Variants in METTL3 observed in about 807,000 individuals in gnomAD.
METTL3 encodes the protein N(6)-adenosine-methyltransferase catalytic subunit METTL3.
Under a neutral mutation model 64.3 loss-of-function variants are expected in METTL3, and 42 were observed. That is an observed-to-expected ratio of 0.65 (90% confidence interval 0.51 to 0.84). METTL3 has a LOEUF of 0.84. Among genes scored for constraint, METTL3 ranks in the 40% least tolerant of loss-of-function variants. The pLI is 0.00. For synonymous variants in METTL3, 256 were observed against 263.6 expected (o/e 0.97, Z 0.28); for missense variants, 435 against 722.3 (o/e 0.60, Z 4.56).
At position 21,500,962 on chromosome 14, in the gene METTL3, G is replaced by C. The variant is rs767931381; in HGVS notation, c.1067C>G (p.Thr356Arg). ...ACTGGAATCACCTCCGACACTCTGT[G>C]TAAGAGCAAGCTCCTGGCTTGGCGT... ...DHTPSQELAL[T>R]QSVGGDSSAD... Residue 356 changes from threonine (T) to arginine (R), a missense_variant, in exon 5 of 11, where the codon ACA (threonine) becomes AGA (arginine). Coordinates refer to ENST00000298717, the MANE Select transcript of METTL3 (RefSeq NM_019852.5). 7.4e-6 allele frequency: 12 copies of C among 1,614,038 alleles called. No individual in the cohort carries two copies. Among genetic ancestry groups the C allele is most frequent in the Non-Finnish European group, 1.0e-5 (12 of 1,180,040 alleles).
rs769603832 is a variant in METTL3, at chr14:21,501,743, C to T, written c.884G>A (p.Arg295His). 48 of 1,614,038 alleles carry T rather than the reference C, an allele frequency of 3.0e-5. No individual in the cohort carries two copies. Among genetic ancestry groups the T allele is most frequent in the Middle Eastern group, 1.6e-4 (1 of 6,084 alleles). The change falls in exon 4 of 11, where the codon CGC becomes CAC. Residue 295 changes from arginine (R) to histidine (H), a missense_variant. By Grantham distance (29) the Arg-to-His change is conservative. Around this residue, in one of 9 missense-constraint regions of METTL3, gnomAD observed 40 missense variants for 89.6 expected, o/e 0.45. Transcript: ENST00000298717. ...TCCAAGAGACCTGAAGTGCAGCTTG[C>T]GACAGGGTCGATCAGCATCACTGGC... ...MKASDADRPCRKLHFRRIINK... is the reference protein window; with the variant it reads ...MKASDADRPCHKLHFRRIINK...
In METTL3 at chr14:21,501,036, A is replaced by G. The variant is rs1891557518; in HGVS notation, c.993T>C (p.Tyr331=). ...FHMDTCKYVH[Y]EIDACMDSEA... The stretch of plus-strand genomic sequence containing the variant: ...CAGAATCCATGCAAGCATCAATTTC[A>G]TAGTGAACATACTTGCAGGTATCCA... The change falls in exon 5 of 11, where the codon TAT becomes TAC. Residue 331 remains tyrosine, a synonymous_variant. Transcript: ENST00000298717. 6.2e-7 allele frequency: 1 copy of G among 1,614,176 alleles called. No homozygotes were observed. Among genetic ancestry groups the G allele is most frequent in the Admixed American group, 1.7e-5 (1 of 60,024 alleles).
In METTL3 at chr14:21,503,355, C is replaced by G. The variant is rs1353569070; in HGVS notation, c.541G>C (p.Glu181Gln). The change falls in exon 3 of 11, where the codon GAA (glutamate) becomes CAA (glutamine). Residue 181 changes from glutamate (E) to glutamine (Q), a missense_variant. Coordinates refer to ENST00000298717, the MANE Select transcript of METTL3 (RefSeq NM_019852.5). ...GCAGCTACTGTAGTCGAGTCCTGTT[C>G]TGCACGCCGCTTCTGCCCTGTGACA... ...GTVTGQKRRA[E>Q]QDSTTVAAFA... 1.9e-6 allele frequency: 3 copies of G among 1,614,202 alleles called. 1 individual carries two copies. In the Admixed American group the frequency reaches 5.0e-5, roughly 27 times the overall value.
chr14:21,507,958 T>C (rs187857699), intron 1 of METTL3: 1 of 152,074 alleles, frequency 6.6e-6, no homozygotes, highest in Non-Finnish European at 1.5e-5. Flanking sequence ...ACCCCAAAAA[T>C]ACTTTTATAA....
In METTL3 at chr14:21,503,647, C is replaced by T. The variant is rs1410713638; in HGVS notation, c.318+17G>A. 9.3e-6 allele frequency: 15 copies of T among 1,613,950 alleles called. No individual in the cohort carries two copies. The highest frequency in any genetic ancestry group is 1.3e-5 in the Non-Finnish European group (15 of 1,179,916). On this transcript the variant is annotated intron_variant, in intron 2 of 10. Coordinates refer to ENST00000298717, the MANE Select transcript of METTL3 (RefSeq NM_019852.5). ...ACTGAAAATAAGTGGTAAATCCTAA[C>T]TCTGTCAGGTCATTACCGTGGAGAT... is the stretch of plus-strand genomic sequence containing the variant.
intron 3 of METTL3, 72 bp from the exon 4 acceptor site, chr14:21,501,975 T>A: frequency 7.5e-7 from 1 of 1,342,036 alleles, no homozygotes; most frequent in Non-Finnish European, 1.0e-6. Flanking sequence ...CTCCGCAAAT[T>A]CTTTTTGACA....
rs754685987 is a variant in METTL3, at chr14:21,499,810, GA to G, written c.1305-9del. On this transcript the variant is annotated splice_polypyrimidine_tract_variant and intron_variant, in intron 6 of 10. Coordinates refer to ENST00000298717, the MANE Select transcript of METTL3 (RefSeq NM_019852.5). ...CTCCCCAACTCCATGGCCCTAGAAA[GA>G]AATGAGTTAAACAACTATTTGTATG... 3 of 1,612,596 alleles carry G rather than the reference GA, an allele frequency of 1.9e-6. No individual in the cohort carries two copies. The highest frequency in any genetic ancestry group is 2.5e-6 in the Non-Finnish European group (3 of 1,178,926).
rs1159872719 is a variant in METTL3 at position 21,500,674 on chromosome 14, A to G, written c.1125T>C (p.Cys375=). The G allele has an allele frequency of 3.7e-6, 6 of 1,613,008 alleles. No individual in the cohort carries two copies. The highest frequency in any genetic ancestry group is 5.1e-6 in the Non-Finnish European group (6 of 1,179,282). ...TGACGTCCAGGTAGCGGATATCACA[A>G]CAGATCCACTGCATAAAGTGGTATT... The part of the protein sequence containing the change: ...ADRLFPPQWI[C]CDIRYLDVSI... The change falls in exon 6 of 11, where the codon TGT becomes TGC. Residue 375 remains cysteine, a synonymous_variant. Transcript: ENST00000298717.
intron 6 of METTL3, among the ~76,000 whole-genome samples, 183 bp from the exon 7 acceptor site, chr14:21,499,985 A>G (rs1279618229): frequency 6.6e-6 from 1 of 152,152 alleles, no homozygotes; most frequent in Non-Finnish European, 1.5e-5. Flanking sequence ...CAACAACCTT[A>G]CCTTTCTCAA....
chr14:21,499,628 T>C, intron 7 of METTL3, 28 bp from the exon 8 acceptor site: 1 of 1,607,286 alleles, frequency 6.2e-7, no homozygotes, highest in Non-Finnish European at 8.5e-7. Context: ...GAACTAGAAT[T>C]TTAGCCAAAC....
chr14:21,498,254 G>A lies in METTL3; in HGVS notation c.*4C>T. 1.3e-6 allele frequency: 2 copies of A among 1,510,820 alleles called. No individual in the cohort carries two copies. The highest frequency in any genetic ancestry group is 1.1e-5 in the South Asian group (1 of 88,976). The allele number at this position is 1,510,820 out of a possible 1,614,324, so 93.6% of individuals were successfully genotyped here. ...TGGATTCTTAGCTCTGTAAGGAAGT[G>A]CTTCTATAAATTCTTAGGTTTAGAG... On this transcript the variant is annotated 3_prime_UTR_variant, in exon 11 of 11. Transcript: ENST00000298717.
At chr14:21,506,289 C>T (rs970745505) in intron 1 of METTL3, among the ~76,000 whole-genome samples, 1 of 151,984 alleles carries the variant, frequency 6.6e-6, no homozygotes, top group African/African-American at 2.4e-5. Flanking sequence ...GTGGTTGGCT[C>T]ACACCTGTAA....
rs769941389 is a variant in METTL3 at position 21,500,672 on chromosome 14, C to A, written c.1127G>T (p.Cys376Phe). 7 of 1,613,104 alleles carry A rather than the reference C, an allele frequency of 4.3e-6. No individual in the cohort carries two copies. The highest frequency in any genetic ancestry group is 5.9e-6 in the Non-Finnish European group (7 of 1,179,262). The change falls in exon 6 of 11, where the codon TGT becomes TTT. Residue 376 changes from cysteine (C) to phenylalanine (F), a missense_variant. This residue lies in a region of METTL3 where 67 missense variants were observed against 71.5 expected (regional missense o/e 0.94). Coordinates refer to ENST00000298717, the MANE Select transcript of METTL3 (RefSeq NM_019852.5). ...DRLFPPQWIC[C>F]DIRYLDVSIL... ...ACTGACGTCCAGGTAGCGGATATCA[C>A]AACAGATCCACTGCATAAAGTGGTA...
intron 1 of METTL3, among the ~76,000 whole-genome samples, chr14:21,505,737 C>G (rs2099590444): frequency 6.6e-6 from 1 of 152,194 alleles, no homozygotes; most frequent in South Asian, 2.1e-4. Flanking sequence ...GGTTCCAAAT[C>G]CTTCATAAGG....
At chr14:21,511,021 G>C in intron 1 of METTL3, 103 bp downstream of exon 1, 1 of 1,360,954 alleles carries the variant, frequency 7.3e-7, no homozygotes, top group South Asian at 1.4e-5. Flanking sequence ...AGGCTTTATA[G>C]AAATGGCCGT....
chr14:21,503,123 A>C, intron 3 of METTL3, 50 bp downstream of exon 3: 1 of 1,544,594 alleles, frequency 6.5e-7, no homozygotes, highest in Non-Finnish European at 8.7e-7. Context: ...CCTGTCAAAC[A>C]AAGCTATAAT....
rs374521457 is a variant in METTL3 at position 21,503,364 on chromosome 14, G to A, written c.532C>T (p.Arg178Trp). ...EVAGTVTGQK[R>W]RAEQDSTTVA... ...GTAGTCGAGTCCTGTTCTGCACGCC[G>A]CTTCTGCCCTGTGACAGTCCCTGCT... The change falls in exon 3 of 11, where the codon CGG becomes TGG. Residue 178 changes from arginine (R) to tryptophan (W), a missense_variant. Physicochemically the swap from Arg to Trp is moderately radical, Grantham distance 101. Coordinates refer to ENST00000298717, the MANE Select transcript of METTL3 (RefSeq NM_019852.5). 3.0e-5 allele frequency: 49 copies of A among 1,614,114 alleles called. No individual in the cohort carries two copies. The highest frequency in any genetic ancestry group is 7.7e-5 in the South Asian group (7 of 91,084).
chr14:21,503,062 C>G, intron 3 of METTL3, 111 bp downstream of exon 3: 2 of 1,206,302 alleles, frequency 1.7e-6, no homozygotes, highest in Non-Finnish European at 2.3e-6. Flanking sequence ...AGGGAATCAT[C>G]CCCAGTTGAG....
chr14:21,511,262 G>A lies in METTL3; in HGVS notation c.-39C>T, dbSNP rs1190195698. The A allele has an allele frequency of 3.1e-6, 5 of 1,597,104 alleles. No individual in the cohort carries two copies. Among genetic ancestry groups the A allele is most frequent in the Middle Eastern group, 1.7e-4 (1 of 6,030 alleles). ...CCCTGACACCTCTCGAATAAGGCGC[G>A]GCGGACTAGCACCTCCCAGCACTCG... On this transcript the variant is annotated 5_prime_UTR_variant, in exon 1 of 11. Coordinates refer to ENST00000298717, the MANE Select transcript of METTL3 (RefSeq NM_019852.5).
Sources: allele counts gnomAD v4.1 joint callset (sites outside exome capture counted in the v4.1 genomes callset), GRCh38; gene constraint gnomAD v4.1.1; regional missense constraint gnomAD v4.1.1; transcripts MANE v1.5; gene names NCBI Gene and HGNC (gene_info 2026-07-23, HGNC 2026-07-21).